The following G3BP2 variants were observed in gnomAD, a reference collection of about 807,000 sequenced individuals.
G3BP2 encodes G3BP stress granule assembly factor 2, also known as ras GTPase-activating protein-binding protein 2.
Under a neutral mutation model 56.7 loss-of-function variants are expected in G3BP2, and 11 were observed. The ratio of observed to expected loss-of-function variants is 0.19; its 90% CI spans 0.12 to 0.32. G3BP2 has a LOEUF of 0.32. G3BP2 is among the 10% of genes least tolerant of loss of function. The pLI is 1.00. For missense variants in G3BP2, 340 were observed against 610.9 expected (o/e 0.56, Z 4.67); for synonymous variants, 165 against 191.6 (o/e 0.86, Z 1.15).
Position 75,643,585 on chromosome 4 carries a change from A to G in G3BP2, c.*1845T>C, listed in dbSNP as rs1731020185. 6.6e-6 allele frequency: 1 copy of G among 152,394 alleles called. No individual in the cohort carries two copies. The highest frequency in any genetic ancestry group is 2.4e-5 in the African/African-American group (1 of 41,378). 9.4% of individuals were successfully genotyped at this position (152,394 alleles called of 1,614,324 possible). ...CTTTCCCTCAAACATGGAAGACCTCATTCAAAGGGGGAAAAAGGGACAGAT... is the reference window on the plus strand; with the variant it reads ...CTTTCCCTCAAACATGGAAGACCTCGTTCAAAGGGGGAAAAAGGGACAGAT... On this transcript the variant is annotated 3_prime_UTR_variant, in exon 12 of 12. Coordinates refer to ENST00000359707, the MANE Select transcript of G3BP2 (RefSeq NM_203505.3).
intron 3 of G3BP2, among the ~76,000 whole-genome samples, chr4:75,683,978 T>C (rs1408355539): frequency 6.6e-6 from 1 of 152,194 alleles, no homozygotes. Flanking sequence ...GATTTTTTTT[T>C]TCTCTAAGCA....
intron 1 of G3BP2, 42 bp from the exon 2 acceptor site, chr4:75,662,091 T>C: frequency 1.8e-6 from 2 of 1,116,506 alleles, no homozygotes; most frequent in East Asian, 2.4e-5. Flanking sequence ...AAAGTCATCT[T>C]TGTCATCAAC....
At chr4:75,685,979 G>A (rs1718583948) in intron 3 of G3BP2, among the ~76,000 whole-genome samples, 1 of 152,314 alleles carries the variant, frequency 6.6e-6, no homozygotes, top group Middle Eastern at 3.4e-3. Context: ...AGGGAAGTGT[G>A]TGCACATACA....
At chr4:75,663,450 A>G (rs543983609) in intron 1 of G3BP2, among the ~76,000 whole-genome samples, 1 of 152,218 alleles carries the variant, frequency 6.6e-6, no homozygotes, top group African/African-American at 2.4e-5. Flanking sequence ...TTTAATTTTT[A>G]TTTTTAGCAG....
Position 75,654,863 on chromosome 4 carries a change from A to G in G3BP2, c.726+203T>C, listed in dbSNP as rs1410419008. ...TACAGACAAGGATTCATCTTAAGTT[A>G]TAAGTTTCACTCTTAGAGGGGTATT... On this transcript the variant is annotated intron_variant, in intron 7 of 11. Transcript: ENST00000359707. The G allele has an allele frequency of 1.8e-5, 10 of 549,816 alleles. No individual in the cohort carries two copies. In the Admixed American group the frequency reaches 2.6e-4, roughly 14 times the overall value. The allele number at this position is 549,816 out of a possible 1,614,324, so 34.1% of individuals were successfully genotyped here.
chr4:75,694,226 T>G (rs1311842522), intron 3 of G3BP2, among the ~76,000 whole-genome samples: 1 of 152,204 alleles, frequency 6.6e-6, no homozygotes, highest in East Asian at 1.9e-4. Flanking sequence ...AATAGCACAT[T>G]GATAAGTTTG....
chr4:75,682,217 C>G (rs565464570), intron 3 of G3BP2, among the ~76,000 whole-genome samples: 1 of 152,152 alleles, frequency 6.6e-6, no homozygotes, highest in Non-Finnish European at 1.5e-5. Flanking sequence ...GAGCTCGAGA[C>G]TATCCTAGCC....
At chr4:75,686,259 T>C (rs1328866741) in intron 3 of G3BP2, among the ~76,000 whole-genome samples, 3 of 152,172 alleles carry the variant, frequency 2.0e-5, no homozygotes. Context: ...AAGATGGTCA[T>C]GTAGTTAATC....
rs558723376 is a variant in G3BP2 at position 75,711,570 on chromosome 4, G to A, written c.-25+9307C>T. The stretch of plus-strand genomic sequence containing the variant: ...TCTACTAAAAATACAAAAATTAGCT[G>A]GGCATGGTGGTGCGTGCCTGTAATC... On this transcript the variant is annotated intron_variant, in intron 3 of 3. Coordinates refer to the G3BP2 transcript ENST00000499709. Among the ~76,000 whole-genome samples, 62 of 152,050 alleles carry A rather than the reference G, an allele frequency of 4.1e-4. No individual in the cohort carries two copies. In the South Asian group the frequency reaches 0.012, roughly 31 times the overall value.
chr4:75,675,200 CCGCAA>C (rs1212634384), upstream of G3BP2, among the ~76,000 whole-genome samples: 2 of 152,148 alleles, frequency 1.3e-5, no homozygotes, highest in Admixed American at 6.5e-5. Flanking sequence ...GTACTAATTG[CCGCAA>C]TTCACTTATC....
At position 75,673,381 on chromosome 4, in the gene G3BP2, G is replaced by C; in HGVS notation, c.-198C>G. 2.4e-6 allele frequency: 3 copies of C among 1,232,142 alleles called. No homozygotes were observed. The highest frequency in any genetic ancestry group is 3.0e-6 in the Non-Finnish European group (3 of 987,970). The allele number at this position is 1,232,142 out of a possible 1,614,324, so 76.3% of individuals were successfully genotyped here. A position where few individuals can be genotyped will look rare whatever the true frequency, so the allele number is the denominator to read the frequency against. ...ACAACCACCTCTTCCCGGGCGCCAGGCGCTGCGACGTGCGACAAGGACCAC... is the reference window on the plus strand; with the variant it reads ...ACAACCACCTCTTCCCGGGCGCCAGCCGCTGCGACGTGCGACAAGGACCAC... On this transcript the variant is annotated 5_prime_UTR_variant, in exon 1 of 12. Transcript: ENST00000359707.
intron 1 of G3BP2, among the ~76,000 whole-genome samples, chr4:75,670,025 G>C (rs936070757): frequency 6.6e-5 from 10 of 152,136 alleles, no homozygotes; most frequent in Non-Finnish European, 1.3e-4. Context: ...ACCCGGGGGC[G>C]GAGGTTGCAG....
chr4:75,704,383 T>TCA (rs1719463667), intron 3 of G3BP2, among the ~76,000 whole-genome samples: 1 of 151,882 alleles, frequency 6.6e-6, no homozygotes, highest in South Asian at 2.1e-4. Flanking sequence ...AGTGGTGCTA[T>TCA]CATGGCTCAC....
intron 1 of G3BP2, among the ~76,000 whole-genome samples, chr4:75,664,430 G>C (rs929386225): frequency 2.7e-5 from 4 of 150,016 alleles, no homozygotes; most frequent in African/African-American, 9.8e-5. Context: ...ACAAAAATTT[G>C]CCAGGCGTGG....
At chr4:75,657,416 C>T (rs1041072219) in intron 4 of G3BP2, 141 bp downstream of exon 4, 20 of 612,370 alleles carry the variant, frequency 3.3e-5, no homozygotes, top group Admixed American at 1.3e-4. Context: ...TGTACACACA[C>T]GCACTCACTC....
chr4:75,694,837 G>A (rs2149086592), intron 3 of G3BP2: 1 of 985,658 alleles, frequency 1.0e-6, no homozygotes, highest in South Asian at 4.7e-5. Flanking sequence ...TAGCAGACAG[G>A]ATGGGCTAAA....
chr4:75,708,075 G>C (rs561991929), intron 3 of G3BP2, among the ~76,000 whole-genome samples: 1 of 152,310 alleles, frequency 6.6e-6, no homozygotes, highest in South Asian at 2.1e-4. Context: ...CCCTCTGCTA[G>C]AGGGATAGGT....
Position 75,647,538 on chromosome 4 carries a change from T to A in G3BP2, c.929-381A>T, listed in dbSNP as rs966651257. Among the ~76,000 whole-genome samples the A allele has an allele frequency of 4.6e-5, 7 of 152,262 alleles. No homozygotes were observed. In the East Asian group the frequency reaches 1.3e-3, roughly 29 times the overall value. On this transcript the variant is annotated intron_variant, in intron 9 of 11. Coordinates refer to ENST00000359707, the MANE Select transcript of G3BP2 (RefSeq NM_203505.3). Reference sequence around the variant, plus strand: ...TAGTTTTTTGAAATTCAAAATTCTTTGGCTTTATGACATTACAGCAATCAG... The same window carrying A: ...TAGTTTTTTGAAATTCAAAATTCTTAGGCTTTATGACATTACAGCAATCAG...
chr4:75,676,739 C>T (rs894617567), upstream of G3BP2, among the ~76,000 whole-genome samples: 3 of 152,216 alleles, frequency 2.0e-5, no homozygotes, highest in African/African-American at 7.2e-5. Context: ...AATGCTTCCA[C>T]TCTTATTCCA....
Sources: gnomAD v4.1 joint callset for allele counts (sites outside exome capture counted in the v4.1 genomes callset) on GRCh38, gnomAD v4.1.1 for gene constraint, MANE v1.5 for transcripts, NCBI Gene and HGNC (gene_info 2026-07-23, HGNC 2026-07-21) for gene names.